Variants in LRGUK observed in about 807,000 individuals in gnomAD.
LRGUK encodes the protein leucine rich repeats and guanylate kinase domain containing, also known as leucine-rich repeat and guanylate kinase domain-containing protein.
A neutral mutation model predicts 76.0 loss-of-function variants in LRGUK; 65 were observed. The observed-to-expected ratio is 0.85, with a 90% CI of 0.70 to 1.05. The LOEUF is 1.05. LRGUK is among the 50% of genes least tolerant of loss of function. LRGUK has a pLI of 0.00. For synonymous variants in LRGUK, 268 were observed against 265.6 expected (o/e 1.01, Z -0.09); for missense variants, 758 against 732.8 (o/e 1.03, Z -0.40).
At chr7:134,161,529 G>A (rs940310149) in intron 6 of LRGUK, among the ~76,000 whole-genome samples, 1 of 151,816 alleles carries the variant, frequency 6.6e-6, no homozygotes, top group African/African-American at 2.4e-5. Context: ...CTATTAACAT[G>A]TTTTTAAAAG....
At chr7:134,159,052 C>T (rs977398996) in intron 6 of LRGUK, among the ~76,000 whole-genome samples, 2 of 152,050 alleles carry the variant, frequency 1.3e-5, no homozygotes, top group Admixed American at 6.6e-5. Context: ...GAAATGACAT[C>T]TTGGGCCATG....
intron 10 of LRGUK, among the ~76,000 whole-genome samples, chr7:134,180,878 A>G (rs2117010409): frequency 1.3e-5 from 2 of 152,282 alleles, no homozygotes; most frequent in South Asian, 4.1e-4. Flanking sequence ...CTCTGTACCC[A>G]TTAAGCAATA....
intron 15 of LRGUK, among the ~76,000 whole-genome samples, chr7:134,217,948 GT>G (rs1375272231): frequency 6.6e-6 from 1 of 151,814 alleles, no homozygotes; most frequent in African/African-American, 2.4e-5. Flanking sequence ...TCACTATATG[GT>G]TTTGTTGTTG....
intron 15 of LRGUK, among the ~76,000 whole-genome samples, chr7:134,220,901 G>C (rs1007677262): frequency 6.6e-6 from 1 of 152,012 alleles, no homozygotes. Context: ...GCATGCAGGG[G>C]CTGTGGCTTC....
At chr7:134,224,363 AATGGGTATTC>A (rs1801679744) in intron 16 of LRGUK, among the ~76,000 whole-genome samples, 1 of 152,192 alleles carries the variant, frequency 6.6e-6, no homozygotes, top group Non-Finnish European at 1.5e-5. Flanking sequence ...TCTTCCACTT[AATGGGTATTC>A]ATGGTTTATT....
At chr7:134,268,003 G>A (rs549286070), downstream of LRGUK, among the ~76,000 whole-genome samples, 9 of 152,140 alleles carry the variant, frequency 5.9e-5, no homozygotes, top group South Asian at 2.1e-4. Flanking sequence ...AAACAGTGCC[G>A]AAAGGGAAAT....
At chr7:134,152,676 T>C (rs1266901347) in intron 5 of LRGUK, among the ~76,000 whole-genome samples, 1 of 152,116 alleles carries the variant, frequency 6.6e-6, no homozygotes, top group African/African-American at 2.4e-5. Flanking sequence ...AACAATTTTA[T>C]ATTGTCATAT....
intron 18 of LRGUK, among the ~76,000 whole-genome samples, chr7:134,249,531 C>T (rs1420409548): frequency 6.6e-6 from 1 of 152,154 alleles, no homozygotes; most frequent in Non-Finnish European, 1.5e-5. Flanking sequence ...CATAAAGTAC[C>T]CCATAGCCTT....
exon 20 of LRGUK, chr7:134,264,407 A>G (rs984200909): frequency 6.5e-6 from 1 of 153,806 alleles, no homozygotes. Flanking sequence ...ATGTCCATTT[A>G]CAACATTCCT....
At chr7:134,168,560 G>A (rs571613237) in intron 7 of LRGUK, among the ~76,000 whole-genome samples, 4 of 152,234 alleles carry the variant, frequency 2.6e-5, no homozygotes, top group Admixed American at 2.0e-4. Flanking sequence ...GATGGTGAAT[G>A]GAGATCACAG....
chr7:134,127,404 G>A lies in LRGUK; in HGVS notation c.37G>A (p.Ala13Thr), dbSNP rs548803324. The stretch of plus-strand genomic sequence containing the variant: ...CGAGAGGGCTCTCCTGAGGACCAGA[G>A]CTGCCTCTCTCCTGAGAGGCTTGGG... The change falls in exon 1 of 16, where the codon GCT (alanine) becomes ACT (threonine). Residue 13 changes from alanine to threonine, a missense_variant. Physicochemically the swap from Ala to Thr is moderately conservative, Grantham distance 58 (BLOSUM62 0). Coordinates refer to ENST00000645682, the Ensembl canonical transcript of LRGUK. 4.8e-5 allele frequency: 77 copies of A among 1,613,672 alleles called. No individual in the cohort carries two copies. The South Asian group carries it at 5.9e-4, about 12-fold the overall frequency.
intron 19 of LRGUK, among the ~76,000 whole-genome samples, chr7:134,259,101 C>T (rs1048824402): frequency 6.6e-6 from 1 of 152,082 alleles, no homozygotes; most frequent in East Asian, 1.9e-4. Flanking sequence ...TGTGGCGGTT[C>T]GGCAGAATTC....
intron 8 of LRGUK, 70 bp from the exon 9 acceptor site, chr7:134,176,907 A>G: frequency 2.2e-6 from 2 of 891,266 alleles, no homozygotes; most frequent in Non-Finnish European, 3.6e-6. Flanking sequence ...GCTCATGAAA[A>G]CCCAATGCTG....
chr7:134,144,208 C>T (rs543144872), intron 4 of LRGUK, among the ~76,000 whole-genome samples: 1 of 152,342 alleles, frequency 6.6e-6, no homozygotes, highest in South Asian at 2.1e-4. Flanking sequence ...TCTTGTCTCA[C>T]TCTCACCGCA....
chr7:134,245,170 G>T (rs962033059), intron 16 of LRGUK, among the ~76,000 whole-genome samples: 5 of 151,976 alleles, frequency 3.3e-5, no homozygotes, highest in Non-Finnish European at 7.4e-5. Flanking sequence ...ATGTACCCTA[G>T]AACTTAAAGT....
At chr7:134,191,607 T>G (rs1290658610) in intron 11 of LRGUK, 48 bp from the exon 12 acceptor site, 4 of 1,236,926 alleles carry the variant, frequency 3.2e-6, no homozygotes, top group Non-Finnish European at 4.7e-6. Flanking sequence ...TTTTCCATTT[T>G]GAATTTCAAG....
intron 16 of LRGUK, among the ~76,000 whole-genome samples, chr7:134,232,288 T>C (rs545565617): frequency 6.6e-6 from 1 of 152,106 alleles, no homozygotes; most frequent in Non-Finnish European, 1.5e-5. Context: ...TAATTTATTT[T>C]TTTTTTTTGA....
At chr7:134,196,540 A>G (rs922976386) in intron 12 of LRGUK, among the ~76,000 whole-genome samples, 3 of 152,198 alleles carry the variant, frequency 2.0e-5, no homozygotes, top group Admixed American at 1.3e-4. Context: ...TCTGTAATTC[A>G]TGGCTTATCT....
At position 134,201,463 on chromosome 7, in the gene LRGUK, G is replaced by A. The variant is rs764383043; in HGVS notation, c.1748-18G>A. Reference sequence around the variant, plus strand: ...GGATGTGATCCTGTTGCTTTAAAATGTACTCTCTTTGCTGCAGATGATCTG... The same window carrying A: ...GGATGTGATCCTGTTGCTTTAAAATATACTCTCTTTGCTGCAGATGATCTG... On this transcript the variant is annotated intron_variant, in intron 14 of 15. Transcript: ENST00000645682. 2.5e-6 allele frequency: 4 copies of A among 1,597,598 alleles called. No homozygotes were observed. The highest frequency in any genetic ancestry group is 2.2e-5 in the South Asian group (2 of 90,516).
Sources: allele counts gnomAD v4.1 joint callset (sites outside exome capture counted in the v4.1 genomes callset), GRCh38; gene constraint gnomAD v4.1.1; transcripts MANE v1.5; gene names NCBI Gene and HGNC (gene_info 2026-07-23, HGNC 2026-07-21).